CNTN6: variants seen among roughly 807,000 people sequenced by gnomAD.
CNTN6 encodes the protein contactin 6, also known as contactin-6.
A neutral mutation model predicts 122.8 loss-of-function variants in CNTN6; 137 were observed. The ratio of observed to expected loss-of-function variants is 1.12; its 90% CI spans 0.97 to 1.29. CNTN6 has a LOEUF of 1.29. Among genes scored for constraint, CNTN6 ranks in the 50% most tolerant of loss-of-function variants. CNTN6 has a pLI of 0.00. For synonymous variants in CNTN6, 570 were observed against 426.0 expected, an observed-to-expected ratio of 1.34 and a Z score of -4.16; for missense variants, 1,634 against 1,223.4, an observed-to-expected ratio of 1.34 and a Z score of -5.01.
At chr3:1,229,973 G>T (rs1451621634) in intron 4 of CNTN6, among the ~76,000 whole-genome samples, 1 of 152,176 alleles carries the variant, frequency 6.6e-6, no homozygotes, top group Non-Finnish European at 1.5e-5. Context: ...TGGTGGTGGT[G>T]TCATGTCTGA....
chr3:1,196,936 T>A (rs1418542969), intron 2 of CNTN6, among the ~76,000 whole-genome samples: 1 of 152,164 alleles, frequency 6.6e-6, no homozygotes, highest in Non-Finnish European at 1.5e-5. Flanking sequence ...CAGTGATCAA[T>A]AGCTGTGGGA....
chr3:1,200,249 G>A (rs1340741843), intron 2 of CNTN6, among the ~76,000 whole-genome samples: 1 of 152,128 alleles, frequency 6.6e-6, no homozygotes. Flanking sequence ...GACCAGACTG[G>A]TCTCGAACTC....
At chr3:1,273,484 AATG>A (rs1559673964) in intron 4 of CNTN6, among the ~76,000 whole-genome samples, 1 of 152,186 alleles carries the variant, frequency 6.6e-6, no homozygotes, top group East Asian at 1.9e-4. Flanking sequence ...TGCCTCAGAA[AATG>A]ATCTGAATTA....
intron 3 of CNTN6, among the ~76,000 whole-genome samples, chr3:1,222,582 A>C (rs1452139056): frequency 2.0e-5 from 3 of 152,318 alleles, no homozygotes; most frequent in African/African-American, 4.8e-5. Context: ...AATAGAATGA[A>C]GGCAACAGTT....
intron 1 of CNTN6, among the ~76,000 whole-genome samples, chr3:1,111,581 T>C (rs139851404): frequency 9.8e-4 from 149 of 152,298 alleles, no homozygotes; most frequent in African/African-American, 3.4e-3. Flanking sequence ...CACCCTAGGA[T>C]GCAACAGTGA....
At chr3:1,122,498 T>A (rs991950711) in intron 1 of CNTN6, among the ~76,000 whole-genome samples, 8 of 152,022 alleles carry the variant, frequency 5.3e-5, no homozygotes, top group Admixed American at 4.6e-4. Flanking sequence ...TTCGGTTGCA[T>A]TTAATACAGG....
intron 5 of CNTN6, 50 bp from the exon 6 acceptor site, chr3:1,295,551 G>C: frequency 6.7e-7 from 1 of 1,498,212 alleles, no homozygotes; most frequent in Non-Finnish European, 9.2e-7. Context: ...AATGAATGCA[G>C]TAAGGACAGT....
intron 4 of CNTN6, among the ~76,000 whole-genome samples, chr3:1,246,653 TG>T (rs1301718055): frequency 1.3e-5 from 2 of 152,172 alleles, no homozygotes; most frequent in African/African-American, 2.4e-5. Flanking sequence ...TTTCCAGTAA[TG>T]TTTTTTTCTA....
chr3:1,278,389 A>T lies in CNTN6; in HGVS notation c.359-24A>T, dbSNP rs553687442. On this transcript the variant is annotated intron_variant, in intron 4 of 22. Transcript: ENST00000446702. Reference sequence around the variant, plus strand: ...TATTCTGCAAAGTAACTAATTATAAATCTGCTTTTCTTTGTTTTCCAAGAT... The same window carrying T: ...TATTCTGCAAAGTAACTAATTATAATTCTGCTTTTCTTTGTTTTCCAAGAT... 3 of 1,463,272 alleles carry T rather than the reference A, an allele frequency of 2.1e-6. No homozygotes were observed. The South Asian group carries it at 3.6e-5, about 18-fold the overall frequency. 90.6% of individuals were successfully genotyped at this position (1,463,272 alleles called of 1,614,324 possible).
chr3:1,215,676 T>C (rs1207530731), intron 2 of CNTN6, among the ~76,000 whole-genome samples: 2 of 151,262 alleles, frequency 1.3e-5, no homozygotes, highest in African/African-American at 4.8e-5. Context: ...CCTGTCTTGG[T>C]CATGCCATGT....
chr3:1,195,540 C>T (rs2093764333), intron 2 of CNTN6, among the ~76,000 whole-genome samples: 1 of 152,142 alleles, frequency 6.6e-6, no homozygotes, highest in African/African-American at 2.4e-5. Flanking sequence ...CACTACCAAA[C>T]TCTTGTTCTT....
chr3:1,198,102 T>G (rs1017634162), intron 2 of CNTN6, among the ~76,000 whole-genome samples: 1 of 152,174 alleles, frequency 6.6e-6, no homozygotes, highest in Non-Finnish European at 1.5e-5. Flanking sequence ...GAAAATGAAG[T>G]GAACTTCATT....
chr3:1,094,350 G>T (rs1451791443), intron 1 of CNTN6, among the ~76,000 whole-genome samples: 2 of 151,708 alleles, frequency 1.3e-5, no homozygotes, highest in Non-Finnish European at 2.9e-5. Context: ...CACAATTTGT[G>T]TAAAAAAAAA....
chr3:1,236,805 G>A (rs2094428106), intron 4 of CNTN6, among the ~76,000 whole-genome samples: 1 of 152,178 alleles, frequency 6.6e-6, no homozygotes. Context: ...CAGAGACCAG[G>A]CGCGGTGGCT....
chr3:1,330,726 G>T (rs1252052252), intron 11 of CNTN6, among the ~76,000 whole-genome samples: 1 of 151,796 alleles, frequency 6.6e-6, no homozygotes, highest in Admixed American at 6.6e-5. Flanking sequence ...TATGTTCCAT[G>T]ACTTATATGC....
chr3:1,221,210 C>T (rs1040445001), intron 3 of CNTN6, among the ~76,000 whole-genome samples: 28 of 149,604 alleles, frequency 1.9e-4, no homozygotes, highest in African/African-American at 6.9e-4. Context: ...GCAAGTAACA[C>T]AGGAAGCCAG....
At chr3:1,105,297 G>A (rs1348045244) in intron 1 of CNTN6, among the ~76,000 whole-genome samples, 3 of 152,048 alleles carry the variant, frequency 2.0e-5, no homozygotes, top group Non-Finnish European at 4.4e-5. Flanking sequence ...AATATTTCAT[G>A]AGTGTTTGAA....
intron 7 of CNTN6, among the ~76,000 whole-genome samples, chr3:1,303,239 C>T (rs553115832): frequency 1.1e-3 from 165 of 152,040 alleles, no homozygotes; most frequent in African/African-American, 3.8e-3. Context: ...AATTTTAAAT[C>T]CTCAGCCTGA....
At chr3:1,321,255 A>G (rs1168525102) in intron 7 of CNTN6, among the ~76,000 whole-genome samples, 2 of 151,788 alleles carry the variant, frequency 1.3e-5, no homozygotes, top group Non-Finnish European at 2.9e-5. Context: ...CTTGACCACT[A>G]TAATAAATTG....
Sources: gnomAD v4.1 joint callset for allele counts (sites outside exome capture counted in the v4.1 genomes callset) on GRCh38, gnomAD v4.1.1 for gene constraint, MANE v1.5 for transcripts, NCBI Gene and HGNC (gene_info 2026-07-23, HGNC 2026-07-21) for gene names.